Variants in AGBL4 observed in about 807,000 individuals in gnomAD.
AGBL4 encodes AGBL carboxypeptidase 4.
In AGBL4, 58 loss-of-function variants were observed where a neutral mutation model predicts 66.4. That is an observed-to-expected ratio of 0.87 (90% CI 0.71 to 1.09). The LOEUF (loss-of-function observed/expected upper bound fraction) is 1.09, where lower values mean the gene tolerates loss of function less well. AGBL4 is among the 50% of genes least tolerant of loss of function. AGBL4 has a pLI of 0.00. For synonymous variants in AGBL4, 234 were observed against 222.9 expected (o/e 1.05, Z -0.44); for missense variants, 579 against 631.0 (o/e 0.92, Z 0.88).
intron 5 of AGBL4, among the ~76,000 whole-genome samples, chr1:49,016,443 C>T (rs979766723): frequency 4.6e-5 from 7 of 152,284 alleles, no homozygotes; most frequent in African/African-American, 1.7e-4. Flanking sequence ...ATCAAAGGCC[C>T]TGGGAAGGCA....
At position 49,012,219 on chromosome 1, in the gene AGBL4, C is replaced by T. The variant is rs557703252; in HGVS notation, c.594+33365G>A. ...TTTTTGCTCGAATATAAAGATGACA[C>T]GGATAACAGTGAGCCTGGGTTTCAG... On this transcript the variant is annotated intron_variant, in intron 5 of 13. Transcript: ENST00000371839. Among the ~76,000 whole-genome samples, 26 of 152,040 alleles carry T rather than the reference C, an allele frequency of 1.7e-4. No individual in the cohort carries two copies. In the East Asian group the frequency reaches 3.5e-3, roughly 20 times the overall value.
chr1:49,623,178 TGCTGGTGATC>T (rs1558110321), intron 3 of AGBL4, among the ~76,000 whole-genome samples: 1 of 152,228 alleles, frequency 6.6e-6, no homozygotes, highest in Non-Finnish European at 1.5e-5. Flanking sequence ...GTTATGCAGC[TGCTGGTGATC>T]GCTCCACAAA....
intron 1 of AGBL4, among the ~76,000 whole-genome samples, chr1:49,965,567 G>C (rs1371863892): frequency 6.6e-6 from 1 of 152,154 alleles, no homozygotes; most frequent in Non-Finnish European, 1.5e-5. Flanking sequence ...AATAGAGACA[G>C]TGAGTTTCAC....
At chr1:49,166,561 G>A (rs1646639057) in intron 4 of AGBL4, among the ~76,000 whole-genome samples, 1 of 152,102 alleles carries the variant, frequency 6.6e-6, no homozygotes, top group South Asian at 2.1e-4. Flanking sequence ...GCATGGTGTA[G>A]ATTATAGACT....
intron 5 of AGBL4, among the ~76,000 whole-genome samples, chr1:48,958,845 C>T (rs751711365): frequency 7.2e-5 from 11 of 152,202 alleles, no homozygotes; most frequent in South Asian, 4.1e-4. Flanking sequence ...TCTTGGAGTT[C>T]TTAACAATTT....
chr1:49,443,744 T>G (rs1646090570), intron 3 of AGBL4, among the ~76,000 whole-genome samples: 1 of 151,140 alleles, frequency 6.6e-6, no homozygotes, highest in Admixed American at 6.6e-5. Flanking sequence ...TTGTATTGTT[T>G]TAAGACTCCA....
intron 3 of AGBL4, among the ~76,000 whole-genome samples, chr1:49,541,645 C>T (rs1037264071): frequency 3.9e-5 from 6 of 152,172 alleles, no homozygotes; most frequent in African/African-American, 1.4e-4. Flanking sequence ...CAGCCCCAGC[C>T]TCCCCAAGGA....
chr1:48,659,244 C>A (rs1646069510), intron 7 of AGBL4, among the ~76,000 whole-genome samples: 1 of 152,164 alleles, frequency 6.6e-6, no homozygotes, highest in African/African-American at 2.4e-5. Context: ...CACAGCAGCC[C>A]CTTGAGGAAG....
At position 49,785,901 on chromosome 1, in the gene AGBL4, T is replaced by A. The variant is rs921056946; in HGVS notation, c.157+65495A>T. Among the ~76,000 whole-genome samples, 117 of 146,552 alleles carry A rather than the reference T, an allele frequency of 8.0e-4. 2 individuals carry two copies. The highest frequency in any genetic ancestry group is 7.2e-3 in the Middle Eastern group (2 of 278). ...AATCCCAGGAAAAAAAAAATATATATATATATATATATATATTTCCTGAGG... is the reference window on the plus strand; with the variant it reads ...AATCCCAGGAAAAAAAAAATATATAAATATATATATATATATTTCCTGAGG... On this transcript the variant is annotated intron_variant, in intron 2 of 13. Transcript: ENST00000371839.
chr1:49,366,661 C>T (rs1241981410), intron 3 of AGBL4, among the ~76,000 whole-genome samples: 4 of 152,154 alleles, frequency 2.6e-5, no homozygotes, highest in Admixed American at 2.6e-4. Context: ...GTGGTGAGAG[C>T]AGACATTTCG....
intron 3 of AGBL4, among the ~76,000 whole-genome samples, chr1:49,423,612 C>G (rs1645592496): frequency 6.6e-6 from 1 of 152,024 alleles, no homozygotes; most frequent in Non-Finnish European, 1.5e-5. Flanking sequence ...GAGTTTAAGA[C>G]CAGCCTCGCC....
intron 2 of AGBL4, among the ~76,000 whole-genome samples, chr1:49,713,835 GC>G (rs1368759059): frequency 6.6e-6 from 1 of 151,768 alleles, no homozygotes; most frequent in Non-Finnish European, 1.5e-5. Context: ...TTTGTATATT[GC>G]TCAGGCTAGA....
chr1:50,019,621 C>T (rs1662289820), intron 1 of AGBL4, among the ~76,000 whole-genome samples: 1 of 151,992 alleles, frequency 6.6e-6, no homozygotes, highest in Non-Finnish European at 1.5e-5. Context: ...CCATTTATTT[C>T]ACAGAGAGTG....
At chr1:49,448,490 T>C (rs1646208227) in intron 3 of AGBL4, among the ~76,000 whole-genome samples, 1 of 152,178 alleles carries the variant, frequency 6.6e-6, no homozygotes. Context: ...TGCTCTAGCA[T>C]GGATAACTTG....
intron 2 of AGBL4, among the ~76,000 whole-genome samples, chr1:49,828,401 T>C (rs1645566398): frequency 6.6e-6 from 1 of 152,108 alleles, no homozygotes; most frequent in Non-Finnish European, 1.5e-5. Context: ...ATATTTAAGC[T>C]GAAATCTGAA....
intron 3 of AGBL4, among the ~76,000 whole-genome samples, chr1:49,670,424 T>C (rs774497671): frequency 2.0e-5 from 3 of 152,120 alleles, no homozygotes; most frequent in African/African-American, 7.2e-5. Flanking sequence ...AGAAAACAAA[T>C]AGGCAAAGCC....
chr1:48,936,676 G>C (rs1312762830), intron 5 of AGBL4, among the ~76,000 whole-genome samples: 1 of 152,152 alleles, frequency 6.6e-6, no homozygotes, highest in Non-Finnish European at 1.5e-5. Context: ...TGGTGAGAAT[G>C]AATCATCCCG....
chr1:48,892,514 A>G (rs1220412825), intron 5 of AGBL4, among the ~76,000 whole-genome samples: 1 of 152,208 alleles, frequency 6.6e-6, no homozygotes, highest in Non-Finnish European at 1.5e-5. Context: ...GATGATAAAC[A>G]TCAATCAACA....
At chr1:48,545,241 C>T (rs1013165728) in intron 11 of AGBL4, among the ~76,000 whole-genome samples, 1 of 152,212 alleles carries the variant, frequency 6.6e-6, no homozygotes, top group Non-Finnish European at 1.5e-5. Context: ...AAAGGTGCCA[C>T]TGTAAGGTGT....
Sources: allele counts gnomAD v4.1 joint callset (sites outside exome capture counted in the v4.1 genomes callset), GRCh38; gene constraint gnomAD v4.1.1; transcripts MANE v1.5; gene names NCBI Gene and HGNC (gene_info 2026-07-23, HGNC 2026-07-21).